The following KAZN variants were observed in gnomAD, a reference collection of about 807,000 sequenced individuals.
KAZN encodes the protein kazrin.
Under a neutral mutation model 87.4 loss-of-function variants are expected in KAZN, and 40 were observed. The observed-to-expected ratio is 0.46, with a 90% CI of 0.36 to 0.60. The LOEUF is 0.60. Among genes scored for constraint, KAZN ranks in the 20% least tolerant of loss-of-function variants. KAZN has a pLI of 0.00. For synonymous variants in KAZN, 466 were observed against 458.3 expected (o/e 1.02, Z -0.22); for missense variants, 898 against 1,073.9 (o/e 0.84, Z 2.29).
At chr1:14,628,348 G>A (rs1196777415) in intron 1 of KAZN, among the ~76,000 whole-genome samples, 1 of 152,204 alleles carries the variant, frequency 6.6e-6, no homozygotes, top group Non-Finnish European at 1.5e-5. Context: ...GAGATTGCAG[G>A]AAATTTGCCA....
At chr1:14,879,998 AG>A (rs1653170718) in intron 1 of KAZN, among the ~76,000 whole-genome samples, 1 of 152,218 alleles carries the variant, frequency 6.6e-6, no homozygotes, top group Non-Finnish European at 1.5e-5. Context: ...GGCAAATAAC[AG>A]TGGAGCTGAA....
chr1:14,302,465 A>G (rs1654621127), intron 2 of KAZN, among the ~76,000 whole-genome samples: 1 of 152,236 alleles, frequency 6.6e-6, no homozygotes, highest in Non-Finnish European at 1.5e-5. Context: ...ATGAGTCGAG[A>G]TATGTGTCAA....
At chr1:14,092,186 G>A (rs979366955) in intron 1 of KAZN, among the ~76,000 whole-genome samples, 2 of 150,166 alleles carry the variant, frequency 1.3e-5, no homozygotes, top group African/African-American at 4.9e-5. Context: ...CGCCTCCCGG[G>A]TTCATGAAAT....
chr1:14,877,345 A>C lies in KAZN; in HGVS notation c.227-83339A>C, dbSNP rs144930334. Among the ~76,000 whole-genome samples, 587 of 152,292 alleles carry C rather than the reference A, an allele frequency of 3.9e-3. 6 individuals carry two copies. The highest frequency in any genetic ancestry group is 0.012 in the African/African-American group (506 of 41,558). On this transcript the variant is annotated intron_variant, in intron 1 of 14. Transcript: ENST00000376030. ...ACATATTTTCTAGAAGTTCCAGAAA[A>C]AGTCTGATTGGTTCACCTTTGGTTA... is the stretch of plus-strand genomic sequence containing the variant.
chr1:14,229,740 T>G (rs1647631852), intron 2 of KAZN, among the ~76,000 whole-genome samples: 1 of 152,248 alleles, frequency 6.6e-6, no homozygotes. Flanking sequence ...CCAGCCTTCA[T>G]TTCTTAGATT....
chr1:13,893,682 C>A, exon 1 of KAZN: 3 of 1,550,414 alleles, frequency 1.9e-6, no homozygotes, highest in Non-Finnish European at 2.6e-6. Flanking sequence ...TCCACGCTGG[C>A]GACATCCAAT....
At chr1:14,403,469 C>T (rs1227884198) in intron 2 of KAZN, among the ~76,000 whole-genome samples, 1 of 151,722 alleles carries the variant, frequency 6.6e-6, no homozygotes, top group Admixed American at 6.6e-5. Context: ...CTTTTGTGAA[C>T]AAAATTGAAA....
chr1:13,923,306 G>T (rs561202188), intron 1 of KAZN, among the ~76,000 whole-genome samples: 3 of 152,284 alleles, frequency 2.0e-5, no homozygotes, highest in Admixed American at 2.0e-4. Context: ...GGGGGTGGTG[G>T]CTCACGCCTG....
In KAZN at chr1:14,112,408, C is replaced by T. The variant is rs1644519165; in HGVS notation, c.92-68027C>T. 5.1e-5 allele frequency among the ~76,000 whole-genome samples: 4 copies of T among 77,842 alleles called. 1 individual carries two copies. The highest frequency in any genetic ancestry group is 4.4e-4 in the South Asian group (1 of 2,280). The allele number at this position is 77,842 out of a possible 152,430, so 51.1% of individuals were successfully genotyped here. The stretch of plus-strand genomic sequence containing the variant: ...ACTTGGGTGAGGAGCTGCCTGCATC[C>T]CTCCCACTCCTCTTTGGCCACTGTG... On this transcript the variant is annotated intron_variant, in intron 1 of 16. Coordinates refer to the KAZN transcript ENST00000636203.
At chr1:14,482,960 C>T (rs1669162149) in intron 2 of KAZN, among the ~76,000 whole-genome samples, 1 of 152,174 alleles carries the variant, frequency 6.6e-6, no homozygotes, top group Admixed American at 6.5e-5. Context: ...TTAGTTTTGT[C>T]ATCTGCACAA....
chr1:15,000,929 C>T (rs1163273264), intron 2 of KAZN, among the ~76,000 whole-genome samples: 1 of 151,662 alleles, frequency 6.6e-6, no homozygotes, highest in Admixed American at 6.6e-5. Flanking sequence ...CATAGCAAGA[C>T]CCTATCTCTA....
intron 2 of KAZN, among the ~76,000 whole-genome samples, chr1:14,398,368 A>C (rs1404955959): frequency 6.6e-6 from 1 of 152,252 alleles, no homozygotes; most frequent in African/African-American, 2.4e-5. Flanking sequence ...AAGGCACCTC[A>C]ATTTCCTTAT....
intron 1 of KAZN, among the ~76,000 whole-genome samples, chr1:14,737,477 T>C (rs925784978): frequency 6.6e-6 from 1 of 151,450 alleles, no homozygotes; most frequent in Non-Finnish European, 1.5e-5. Context: ...GGGAGAGGGG[T>C]TGGGAGAACA....
At chr1:14,843,210 G>A (rs1158919342) in intron 1 of KAZN, among the ~76,000 whole-genome samples, 1 of 152,180 alleles carries the variant, frequency 6.6e-6, no homozygotes, top group Non-Finnish European at 1.5e-5. Context: ...TGTGTGCTTA[G>A]TCATCATACT....
At chr1:13,985,472 C>T (rs894451740) in intron 1 of KAZN, among the ~76,000 whole-genome samples, 6 of 145,176 alleles carry the variant, frequency 4.1e-5, no homozygotes, top group African/African-American at 1.0e-4. Context: ...AACCAAACAC[C>T]GCATATTCTC....
intron 1 of KAZN, among the ~76,000 whole-genome samples, chr1:14,045,821 A>G (rs184715332): frequency 1.8e-4 from 28 of 152,368 alleles, no homozygotes; most frequent in African/African-American, 6.7e-4. Flanking sequence ...CATAGTACCT[A>G]TAAAATGGTA....
intron 6 of KAZN, chr1:15,063,060 A>T (rs999636550): frequency 3.8e-5 from 6 of 158,162 alleles, no homozygotes; most frequent in African/African-American, 1.4e-4. Context: ...GCCTCTCTTG[A>T]TATCTGTGAA....
chr1:14,939,359 T>C (rs1338201162), intron 1 of KAZN, among the ~76,000 whole-genome samples: 1 of 151,954 alleles, frequency 6.6e-6, no homozygotes, highest in Non-Finnish European at 1.5e-5. Flanking sequence ...AGCCTCAAAC[T>C]CCTGGGCTCA....
At chr1:14,939,034 A>G (rs6682549) in intron 1 of KAZN, among the ~76,000 whole-genome samples, 80,872 of 151,902 alleles carry the variant, frequency 0.53, 25,084 homozygotes, top group African/African-American at 0.87. Flanking sequence ...GAGCAATGGC[A>G]TGACCTTGGT....
Sources: gnomAD v4.1 joint callset for allele counts (sites outside exome capture counted in the v4.1 genomes callset) on GRCh38, gnomAD v4.1.1 for gene constraint, MANE v1.5 for transcripts, NCBI Gene and HGNC (gene_info 2026-07-23, HGNC 2026-07-21) for gene names.